RBFOX3: variants seen among roughly 807,000 people sequenced by gnomAD.
The protein encoded by RBFOX3 is RNA binding protein fox-1 homolog 3.
Under a neutral mutation model 48.7 loss-of-function variants are expected in RBFOX3, and 17 were observed. The ratio of observed to expected loss-of-function variants is 0.35; its 90% CI spans 0.24 to 0.52. RBFOX3 has a LOEUF of 0.52. Among genes scored for constraint, RBFOX3 ranks in the 20% least tolerant of loss-of-function variants. The pLI is 0.94. For synonymous variants in RBFOX3, 212 were observed against 209.5 expected (o/e 1.01, Z -0.10); for missense variants, 382 against 497.5 (o/e 0.77, Z 2.21).
At chr17:79,569,722 G>A (rs2092595772) in intron 1 of RBFOX3, among the ~76,000 whole-genome samples, 1 of 152,238 alleles carries the variant, frequency 6.6e-6, no homozygotes, top group African/African-American at 2.4e-5. Context: ...TATTCTGGTG[G>A]CCAAGGTCAA....
chr17:79,211,928 G>A (rs780517554), intron 4 of RBFOX3, among the ~76,000 whole-genome samples: 2 of 152,108 alleles, frequency 1.3e-5, no homozygotes, highest in Admixed American at 6.5e-5. Context: ...ACGGGGATAC[G>A]TGGGGGGGAA....
intron 4 of RBFOX3, among the ~76,000 whole-genome samples, chr17:79,168,946 G>A (rs1184850821): frequency 6.6e-6 from 1 of 152,196 alleles, no homozygotes; most frequent in African/African-American, 2.4e-5. Context: ...ATGCAGCCGT[G>A]GCCCCAGACA....
At chr17:79,133,972 G>T (rs2039579799) in intron 4 of RBFOX3, among the ~76,000 whole-genome samples, 1 of 152,202 alleles carries the variant, frequency 6.6e-6, no homozygotes, top group African/African-American at 2.4e-5. Context: ...TATTCATTAA[G>T]GAATATTAGC....
the RBFOX3 span, among the ~76,000 whole-genome samples, chr17:79,639,183 A>AT: frequency 2.0e-3 from 298 of 150,718 alleles, 1 homozygote; most frequent in African/African-American, 6.8e-3. Flanking sequence ...TTTATTGTTT[A>AT]TTTTTTTTTG....
In RBFOX3 at chr17:79,490,509, T is replaced by A. The variant is rs797035236; in HGVS notation, c.-319-7911A>T. 3.8e-3 allele frequency among the ~76,000 whole-genome samples: 579 copies of A among 152,260 alleles called. 5 individuals are homozygous for A. Among genetic ancestry groups the A allele is most frequent in the African/African-American group, 0.014 (562 of 41,564 alleles). ...AGTACCGTGGGCTCAAAATCAGAAATGTTCCCCAAAATACAGCAACAACAA... is the reference window on the plus strand; with the variant it reads ...AGTACCGTGGGCTCAAAATCAGAAAAGTTCCCCAAAATACAGCAACAACAA... On this transcript the variant is annotated intron_variant, in intron 1 of 14. Coordinates refer to ENST00000693108, the MANE Select transcript of RBFOX3 (RefSeq NM_001350451.2).
intron 1 of RBFOX3, among the ~76,000 whole-genome samples, chr17:79,522,273 G>A (rs2086213299): frequency 6.6e-6 from 1 of 152,110 alleles, no homozygotes; most frequent in Non-Finnish European, 1.5e-5. Context: ...CTAACCCAGA[G>A]GCCCTGTGTC....
At chr17:79,626,014 A>G in the RBFOX3 span, among the ~76,000 whole-genome samples, 1 of 152,228 alleles carries the variant, frequency 6.6e-6, no homozygotes, top group Non-Finnish European at 1.5e-5. Flanking sequence ...GCTAATGAAC[A>G]GTTAGTGGGA....
intron 2 of RBFOX3, among the ~76,000 whole-genome samples, chr17:79,368,924 A>G (rs988512899): frequency 6.6e-6 from 1 of 152,224 alleles, no homozygotes; most frequent in South Asian, 2.1e-4. Flanking sequence ...GATGGCCCAC[A>G]CAGGGCCCAT....
chr17:79,452,322 C>T (rs12600594), intron 2 of RBFOX3, among the ~76,000 whole-genome samples: 116,867 of 152,058 alleles, frequency 0.77, 45,757 homozygotes, highest in Non-Finnish European at 0.86. Flanking sequence ...ACCTCCGCTG[C>T]GGAGGAACGC....
In RBFOX3 at chr17:79,564,120, C is replaced by T. The variant is rs1424218066; in HGVS notation, c.-320+46706G>A. Among the ~76,000 whole-genome samples the T allele has an allele frequency of 7.9e-5, 12 of 152,298 alleles. No homozygotes were observed. The East Asian group carries it at 2.3e-3, about 29-fold the overall frequency. On this transcript the variant is annotated intron_variant, in intron 1 of 14. Transcript: ENST00000693108. ...AAGGTCACACAGCTAAGGAAAGAAC[C>T]AGCATTTAAATCAGGCAAGGTGGCT...
chr17:79,318,920 G>A (rs2145929086), intron 2 of RBFOX3, among the ~76,000 whole-genome samples: 1 of 142,868 alleles, frequency 7.0e-6, no homozygotes, highest in South Asian at 2.4e-4. Context: ...TATACCTAAT[G>A]TTAAATGATG....
At chr17:79,598,995 C>A (rs2093638916) in intron 1 of RBFOX3, 2 of 152,168 alleles carry the variant, frequency 1.3e-5, no homozygotes, top group Non-Finnish European at 1.5e-5. Context: ...CCCTCCCCAA[C>A]CTTCCACCCA....
chr17:79,419,654 A>G (rs1236402765), intron 2 of RBFOX3, among the ~76,000 whole-genome samples: 2 of 152,014 alleles, frequency 1.3e-5, no homozygotes, highest in Admixed American at 1.3e-4. Flanking sequence ...AGTGATACCC[A>G]CCTCCCACCT....
chr17:79,385,000 C>T (rs1462188981), intron 2 of RBFOX3, among the ~76,000 whole-genome samples: 1 of 152,268 alleles, frequency 6.6e-6, no homozygotes. Flanking sequence ...TCAGATTGCC[C>T]TTCCAGGGCC....
intron 9 of RBFOX3, 124 bp from the exon 10 acceptor site, chr17:79,097,869 C>T: frequency 1.0e-6 from 1 of 1,003,342 alleles, no homozygotes; most frequent in Non-Finnish European, 1.5e-6. Context: ...CGCCTCCCCG[C>T]GCCGGGCCCC....
chr17:79,409,077 A>G (rs1246869891), intron 2 of RBFOX3, among the ~76,000 whole-genome samples: 1 of 152,216 alleles, frequency 6.6e-6, no homozygotes, highest in Non-Finnish European at 1.5e-5. Flanking sequence ...GGTATTTCAT[A>G]TAAATGGAAT....
At chr17:79,150,773 A>C (rs977592778) in intron 4 of RBFOX3, among the ~76,000 whole-genome samples, 1 of 151,976 alleles carries the variant, frequency 6.6e-6, no homozygotes, top group African/African-American at 2.4e-5. Flanking sequence ...CCGAGAAAAG[A>C]GGGGGGCAGG....
intron 3 of RBFOX3, among the ~76,000 whole-genome samples, chr17:79,253,512 A>G (rs2064302358): frequency 6.6e-6 from 1 of 152,200 alleles, no homozygotes; most frequent in Non-Finnish European, 1.5e-5. Context: ...CACAATGTCA[A>G]CATTTTTAAT....
At chr17:79,414,892 C>T (rs117244085) in intron 2 of RBFOX3, among the ~76,000 whole-genome samples, 2,235 of 152,326 alleles carry the variant, frequency 0.015, 31 homozygotes, top group Middle Eastern at 0.037. Context: ...GGACAGAGCC[C>T]GAGGTGGCGG....
Sources: allele counts gnomAD v4.1 joint callset (sites outside exome capture counted in the v4.1 genomes callset), GRCh38; gene constraint gnomAD v4.1.1; transcripts MANE v1.5; gene names NCBI Gene and HGNC (gene_info 2026-07-23, HGNC 2026-07-21).